Variants in ASZ1 observed in about 807,000 individuals in gnomAD.
ASZ1 encodes ankyrin repeat, SAM and basic leucine zipper domain-containing protein 1.
Under a neutral mutation model 61.8 loss-of-function variants are expected in ASZ1, and 67 were observed. The observed-to-expected ratio is 1.08, with a 90% CI of 0.89 to 1.33. The LOEUF is 1.33. Ranked by LOEUF, ASZ1 falls within the 40% of genes most tolerant of loss-of-function variation. The probability of loss-of-function intolerance (pLI) is 0.00; values close to 1 mark genes in which losing one functional copy is unlikely to be tolerated. For missense variants in ASZ1, 577 were observed against 554.5 expected (o/e 1.04, Z -0.41); for synonymous variants, 193 against 192.7 (o/e 1.00, Z -0.01).
intron 4 of ASZ1, among the ~76,000 whole-genome samples, chr7:117,406,245 T>C (rs1796779675): frequency 6.6e-6 from 1 of 152,036 alleles, no homozygotes; most frequent in Admixed American, 6.6e-5. Flanking sequence ...AAAATAAAAA[T>C]ACATTCAAAA....
At chr7:117,373,022 T>C (rs190834584) in intron 10 of ASZ1, among the ~76,000 whole-genome samples, 148 of 152,264 alleles carry the variant, frequency 9.7e-4, no homozygotes, top group Non-Finnish European at 9.6e-4. Context: ...CAATACACTT[T>C]TACATAATAT....
intron 4 of ASZ1, among the ~76,000 whole-genome samples, chr7:117,417,729 C>A (rs532535600): frequency 3.9e-5 from 6 of 152,276 alleles, no homozygotes; most frequent in African/African-American, 1.4e-4. Context: ...ATGCTTTGAG[C>A]ATTAAAAAAG....
intron 4 of ASZ1, among the ~76,000 whole-genome samples, chr7:117,408,108 T>C (rs950648922): frequency 2.0e-5 from 3 of 152,138 alleles, no homozygotes; most frequent in Non-Finnish European, 4.4e-5. Context: ...TCGCCATTGG[T>C]AATTAGCTCA....
intron 3 of ASZ1, among the ~76,000 whole-genome samples, chr7:117,420,993 C>CTAGTATAG (rs1797089512): frequency 6.6e-6 from 1 of 152,290 alleles, no homozygotes; most frequent in East Asian, 1.9e-4. Flanking sequence ...TTAGATTTAA[C>CTAGTATAG]ATACAGATAA....
chr7:117,399,141 G>A (rs1226989235), intron 4 of ASZ1, among the ~76,000 whole-genome samples: 1 of 152,128 alleles, frequency 6.6e-6, no homozygotes, highest in Admixed American at 6.5e-5. Flanking sequence ...GAGGCAGGAG[G>A]ATGGCCTGAG....
At chr7:117,419,950 T>C (rs1797068395) in intron 4 of ASZ1, among the ~76,000 whole-genome samples, 3 of 152,202 alleles carry the variant, frequency 2.0e-5, no homozygotes, top group African/African-American at 7.2e-5. Flanking sequence ...TCTAAATTCT[T>C]ATGACGTTTC....
At chr7:117,365,890 A>G (rs1795927396) in intron 12 of ASZ1, among the ~76,000 whole-genome samples, 1 of 152,228 alleles carries the variant, frequency 6.6e-6, no homozygotes, top group African/African-American at 2.4e-5. Context: ...CATAGTGCTC[A>G]TTTCCTCATT....
At chr7:117,426,689 TG>T in intron 2 of ASZ1, 146 bp downstream of exon 2, 1 of 710,480 alleles carries the variant, frequency 1.4e-6, no homozygotes, top group Non-Finnish European at 2.3e-6. Flanking sequence ...TAAGGCAGAC[TG>T]GACTCAGTCA....
chr7:117,377,843 C>T (rs978383913), intron 10 of ASZ1, among the ~76,000 whole-genome samples: 1 of 152,022 alleles, frequency 6.6e-6, no homozygotes, highest in Non-Finnish European at 1.5e-5. Flanking sequence ...GAGGGATAGA[C>T]ACATAAAGAA....
At chr7:117,426,719 G>T in intron 2 of ASZ1, 117 bp downstream of exon 2, 1 of 905,608 alleles carries the variant, frequency 1.1e-6, no homozygotes, top group Non-Finnish European at 1.7e-6. Context: ...TATGCAGGAT[G>T]ATACATTAAC....
At chr7:117,385,914 AAAAG>A (rs1796346775) in intron 4 of ASZ1, 105 bp from the exon 5 acceptor site, 4 of 852,126 alleles carry the variant, frequency 4.7e-6, no homozygotes, top group Middle Eastern at 2.3e-4. Context: ...TTTGAAAACG[AAAAG>A]AAATGAAAGC....
chr7:117,422,057 G>C (rs746568002), intron 3 of ASZ1, among the ~76,000 whole-genome samples, 180 bp downstream of exon 3: 5 of 152,066 alleles, frequency 3.3e-5, no homozygotes, highest in Non-Finnish European at 7.4e-5. Flanking sequence ...TATGTTTTTG[G>C]AAAGAGAGTT....
chr7:117,384,595 A>C (rs1796312038), intron 6 of ASZ1, 131 bp downstream of exon 6: 2 of 1,075,586 alleles, frequency 1.9e-6, no homozygotes, highest in Non-Finnish European at 2.6e-6. Flanking sequence ...GGAAAGATAC[A>C]TATTTAAACA....
rs1399681044 is a variant in ASZ1 at position 117,422,285 on chromosome 7, G to C, written c.280C>G (p.Leu94Val). The change falls in exon 3 of 13, where the codon CTG becomes GTG. Residue 94 changes from leucine to valine, a missense_variant. Transcript: ENST00000284629. ...CCTCTGTCCAAAAGGACCCGAACCA[G>C]CTCTGCATTGGCAACACTAGCAGCA... is the stretch of plus-strand genomic sequence containing the variant. ...MYAASVANAELVRVLLDRGAN... is the reference protein window; with the variant it reads ...MYAASVANAEVVRVLLDRGAN... 6.2e-7 allele frequency: 1 copy of C among 1,613,820 alleles called. No homozygotes were observed. Among genetic ancestry groups the C allele is most frequent in the African/African-American group, 1.3e-5 (1 of 75,008 alleles).
chr7:117,367,578 AT>A (rs1562843838), intron 11 of ASZ1, 113 bp from the exon 12 acceptor site: 1 of 1,193,368 alleles, frequency 8.4e-7, no homozygotes, highest in East Asian at 3.2e-5. Context: ...ATTGAAAGGC[AT>A]TTTTTTGTTT....
intron 2 of ASZ1, among the ~76,000 whole-genome samples, chr7:117,425,259 CTTTT>C (rs71148368): frequency 5.2e-4 from 49 of 93,864 alleles, no homozygotes; most frequent in East Asian, 2.0e-3. Context: ...TGAGTAATTT[CTTTT>C]TTTTTTTTTT....
chr7:117,389,975 A>C (rs2116482033), intron 4 of ASZ1, among the ~76,000 whole-genome samples: 1 of 152,188 alleles, frequency 6.6e-6, no homozygotes, highest in Admixed American at 6.5e-5. Flanking sequence ...AACATGTGGC[A>C]TTTGGTTTCC....
At chr7:117,395,987 TAAG>T (rs1216663575) in intron 4 of ASZ1, among the ~76,000 whole-genome samples, 1 of 152,168 alleles carries the variant, frequency 6.6e-6, no homozygotes, top group Non-Finnish European at 1.5e-5. Context: ...CAGTGAAACT[TAAG>T]AAGTCTGCCA....
intron 4 of ASZ1, among the ~76,000 whole-genome samples, chr7:117,417,891 C>A (rs1797026181): frequency 6.6e-6 from 1 of 152,166 alleles, no homozygotes; most frequent in African/African-American, 2.4e-5. Flanking sequence ...AATTCATCTG[C>A]TCATTTAGGA....
Sources: gnomAD v4.1 joint callset for allele counts (sites outside exome capture counted in the v4.1 genomes callset) on GRCh38, gnomAD v4.1.1 for gene constraint, MANE v1.5 for transcripts, NCBI Gene and HGNC (gene_info 2026-07-23, HGNC 2026-07-21) for gene names.